The following PIGB variants were observed in gnomAD, a reference collection of about 807,000 sequenced individuals.
PIGB encodes GPI alpha-1,2-mannosyltransferase 3.
Under a neutral mutation model 68.4 loss-of-function variants are expected in PIGB, and 58 were observed. That is an observed-to-expected ratio of 0.85 (90% CI 0.69 to 1.06). PIGB has a LOEUF of 1.06. Among genes scored for constraint, PIGB ranks in the 50% least tolerant of loss-of-function variants. The pLI is 0.00. For synonymous variants in PIGB, 219 were observed against 220.5 expected (o/e 0.99, Z 0.06); for missense variants, 634 against 655.8 (o/e 0.97, Z 0.36).
At chr15:55,320,958 TGGA>T (rs2055150567) in intron 2 of PIGB, among the ~76,000 whole-genome samples, 1 of 152,184 alleles carries the variant, frequency 6.6e-6, no homozygotes, top group Non-Finnish European at 1.5e-5. Flanking sequence ...ACTTAGCACT[TGGA>T]GGATACAGAG....
chr15:55,343,474 A>AACTT (rs1450663949), intron 9 of PIGB: 1 of 152,230 alleles, frequency 6.6e-6, no homozygotes, highest in Non-Finnish European at 1.5e-5. Flanking sequence ...GTTGGTTAGT[A>AACTT]ACTTGGTTTG....
chr15:55,332,985 G>A lies in PIGB; in HGVS notation c.654-882G>A, dbSNP rs150660580. Among the ~76,000 whole-genome samples the A allele has an allele frequency of 4.8e-4, 73 of 152,202 alleles. 1 individual carries two copies. The East Asian group carries it at 0.012, about 25-fold the overall frequency. On this transcript the variant is annotated intron_variant, in intron 5 of 11. Coordinates refer to ENST00000164305, the MANE Select transcript of PIGB (RefSeq NM_004855.5). Reference sequence around the variant, plus strand: ...CAAAACAAAATTCTAAATACTCTGAGCCCATCACTGCCTAAATAATCCTGT... The same window carrying A: ...CAAAACAAAATTCTAAATACTCTGAACCCATCACTGCCTAAATAATCCTGT...
intron 7 of PIGB, 71 bp downstream of exon 7, chr15:55,339,389 A>C: frequency 1.0e-6 from 1 of 973,400 alleles, no homozygotes; most frequent in Middle Eastern, 2.8e-4. Context: ...ACAGAGGCAA[A>C]TGATTTTTTA....
intron 1 of PIGB, chr15:55,319,813 T>C (rs534210452): frequency 5.5e-6 from 1 of 180,226 alleles, no homozygotes; most frequent in South Asian, 1.2e-4. Flanking sequence ...GAGGATTAAG[T>C]GAGATGCATG....
In PIGB at chr15:55,354,814, C is replaced by A. The variant is rs749012470; in HGVS notation, c.1354C>A (p.Leu452Ile). 5 of 1,609,954 alleles carry A rather than the reference C, an allele frequency of 3.1e-6. No homozygotes were observed. The highest frequency in any genetic ancestry group is 2.7e-5 in the African/African-American group (2 of 74,730). ...TPYYSHVHCP[L>I]PMRFLQCPPD... Reference sequence around the variant, plus strand: ...TTTTCATAGCCATGTTCACTGCCCACTTCCCATGAGATTTCTCCAGTGCCC... The same window carrying A: ...TTTTCATAGCCATGTTCACTGCCCAATTCCCATGAGATTTCTCCAGTGCCC... The change falls in exon 11 of 12, where the codon CTT becomes ATT. Residue 452 changes from leucine to isoleucine, a missense_variant. Coordinates refer to ENST00000164305, the MANE Select transcript of PIGB (RefSeq NM_004855.5).
At chr15:55,334,903 C>T (rs917859413) in intron 6 of PIGB, among the ~76,000 whole-genome samples, 1 of 151,978 alleles carries the variant, frequency 6.6e-6, no homozygotes, top group Non-Finnish European at 1.5e-5. Flanking sequence ...TATTTTTAGT[C>T]GAGTTGGGGT....
chr15:55,323,440 T>C (rs930112564), intron 3 of PIGB, among the ~76,000 whole-genome samples: 1 of 152,064 alleles, frequency 6.6e-6, no homozygotes, highest in Non-Finnish European at 1.5e-5. Context: ...CTGGGCAACA[T>C]AGCAAAACTC....
intron 11 of PIGB, 61 bp from the exon 12 acceptor site, chr15:55,355,225 G>T: frequency 7.5e-7 from 1 of 1,337,682 alleles, no homozygotes; most frequent in South Asian, 1.3e-5. Context: ...TTCTAAAATT[G>T]ACTGAAACAG....
Position 55,320,671 on chromosome 15 carries a change from T to C in PIGB, c.299+261T>C, listed in dbSNP as rs573007218. Among the ~76,000 whole-genome samples, 55 of 152,246 alleles carry C rather than the reference T, an allele frequency of 3.6e-4. No homozygotes were observed. The South Asian group carries it at 0.011, about 32-fold the overall frequency. On this transcript the variant is annotated intron_variant, in intron 2 of 11. Coordinates refer to ENST00000164305, the MANE Select transcript of PIGB (RefSeq NM_004855.5). ...ATTAACAGTATTAAAATATAACAAG[T>C]ATAACACAATACTATAATAAAAGTT...
intron 10 of PIGB, 105 bp downstream of exon 10, chr15:55,351,017 G>A (rs2055909418): frequency 1.6e-6 from 1 of 633,436 alleles, no homozygotes; most frequent in South Asian, 2.1e-5. Context: ...CTGATCAAAT[G>A]ATAAATTTTA....
chr15:55,321,533 G>C, intron 3 of PIGB, 143 bp downstream of exon 3: 3 of 583,416 alleles, frequency 5.1e-6, no homozygotes, highest in Non-Finnish European at 8.7e-6. Flanking sequence ...AGTTTGTGCT[G>C]AAATACAAGA....
intron 6 of PIGB, among the ~76,000 whole-genome samples, chr15:55,335,077 T>C (rs1004869315): frequency 6.6e-6 from 1 of 152,220 alleles, no homozygotes; most frequent in African/African-American, 2.4e-5. Context: ...GCTTACAATA[T>C]TCAGCATACT....
chr15:55,321,646 C>CTTTTTT (rs966940527), intron 3 of PIGB, among the ~76,000 whole-genome samples: 165 of 68,272 alleles, frequency 2.4e-3, no homozygotes, highest in Non-Finnish European at 2.8e-3. Flanking sequence ...ATACTTCTTT[C>CTTTTTT]TTTTTTTTTT....
chr15:55,319,517 C>A lies in PIGB; in HGVS notation c.163+104C>A, dbSNP rs1376019530. On this transcript the variant is annotated intron_variant, in intron 1 of 11. Transcript: ENST00000164305. ...CCCGTTGAGCTCTGTGTTGCCAGAT[C>A]TTGAGTTTTGAAATGCTGGGAAATG... The A allele has an allele frequency of 5.2e-5, 41 of 794,178 alleles. 1 individual carries two copies. The South Asian group carries it at 8.1e-4, about 16-fold the overall frequency. The allele number at this position is 794,178 out of a possible 1,614,324, so 49.2% of individuals were successfully genotyped here. A position where few individuals can be genotyped will look rare whatever the true frequency, so the allele number is the denominator to read the frequency against.
rs1356026422 is a variant in PIGB, at chr15:55,329,723, G to GT, written c.529dup (p.Cys177LeufsTer79). ...TATGTTTGCTCTGTACTTTTTCTTA[G>GT]TTTTTTTGCCAGTTGTGCTCCTGGT... On this transcript the variant is annotated frameshift_variant and splice_region_variant. Transcript: ENST00000164305. LOFTEE classifies it high-confidence loss of function. 6.2e-6 allele frequency: 10 copies of GT among 1,604,884 alleles called. No individual in the cohort carries two copies. The highest frequency in any genetic ancestry group is 3.5e-5 in the Admixed American group (2 of 57,538).
rs189884985 is a variant in PIGB at position 55,351,438 on chromosome 15, C to G, written c.1337+526C>G. On this transcript the variant is annotated intron_variant, in intron 10 of 11. Coordinates refer to ENST00000164305, the MANE Select transcript of PIGB (RefSeq NM_004855.5). ...TTTATTATTCTTTAAAAACAATTTA[C>G]TTACACCTAATTCTGATTTAAATCA... Among the ~76,000 whole-genome samples, 592 of 152,138 alleles carry G rather than the reference C, an allele frequency of 3.9e-3. 4 individuals are homozygous for G. Among genetic ancestry groups the G allele is most frequent in the Non-Finnish European group, 6.5e-3 (441 of 68,002 alleles).
At chr15:55,342,389 A>AATT (rs1200102984) in intron 9 of PIGB, among the ~76,000 whole-genome samples, 1 of 152,084 alleles carries the variant, frequency 6.6e-6, no homozygotes, top group Non-Finnish European at 1.5e-5. Flanking sequence ...AGGCATATGC[A>AATT]ATTATTATTA....
chr15:55,335,268 T>A (rs2055508860), intron 6 of PIGB, among the ~76,000 whole-genome samples: 2 of 152,228 alleles, frequency 1.3e-5, no homozygotes, highest in African/African-American at 4.8e-5. Context: ...ATGACTGTAC[T>A]AGTATTCACT....
chr15:55,329,905 A>G (rs2055375658), intron 5 of PIGB, 51 bp downstream of exon 5: 1 of 1,349,022 alleles, frequency 7.4e-7, no homozygotes, highest in East Asian at 2.3e-5. Context: ...CTTTTGAAAA[A>G]TCTTAAATAT....
Sources: gnomAD v4.1 joint callset for allele counts (sites outside exome capture counted in the v4.1 genomes callset) on GRCh38, gnomAD v4.1.1 for gene constraint, MANE v1.5 for transcripts, NCBI Gene and HGNC (gene_info 2026-07-23, HGNC 2026-07-21) for gene names.